The following UNC5C variants were observed in gnomAD, a reference collection of about 807,000 sequenced individuals.
UNC5C encodes the protein unc-5 netrin receptor C.
Under a neutral mutation model 99.8 loss-of-function variants are expected in UNC5C, and 47 were observed. The observed-to-expected ratio is 0.47, with a 90% confidence interval of 0.37 to 0.60. The LOEUF is 0.60. Ranked by LOEUF, UNC5C falls within the 20% of genes least tolerant of loss-of-function variation. UNC5C has a pLI of 0.00. For missense variants in UNC5C, 1,062 were observed against 1,165.9 expected (o/e 0.91, Z 1.30); for synonymous variants, 487 against 452.2 (o/e 1.08, Z -0.98).
At chr4:95,486,356 C>A (rs568383505) in intron 1 of UNC5C, among the ~76,000 whole-genome samples, 1 of 151,644 alleles carries the variant, frequency 6.6e-6, no homozygotes, top group East Asian at 2.0e-4. Flanking sequence ...TATAGGCCTT[C>A]ACCATCCACA....
intron 1 of UNC5C, among the ~76,000 whole-genome samples, chr4:95,477,207 G>A (rs758107484): frequency 2.6e-5 from 4 of 151,982 alleles, no homozygotes; most frequent in Non-Finnish European, 4.4e-5. Context: ...TTGAGGTCCT[G>A]TTTAGCCAAG....
intron 14 of UNC5C, among the ~76,000 whole-genome samples, chr4:95,176,616 C>T (rs1279740893): frequency 1.6e-4 from 24 of 152,128 alleles, no homozygotes; most frequent in South Asian, 4.1e-4. Context: ...TCTCCAGCTG[C>T]GTGCTGGGAG....
chr4:95,458,084 C>A (rs1415789042), intron 1 of UNC5C, among the ~76,000 whole-genome samples: 1 of 152,064 alleles, frequency 6.6e-6, no homozygotes, highest in Non-Finnish European at 1.5e-5. Context: ...TCCTCCGTCA[C>A]TTAAATTTTT....
intron 1 of UNC5C, among the ~76,000 whole-genome samples, chr4:95,501,741 T>C (rs1306770501): frequency 6.6e-6 from 1 of 152,150 alleles, no homozygotes; most frequent in East Asian, 1.9e-4. Context: ...GATTCTTTTG[T>C]CTGTTATAGT....
In UNC5C at chr4:95,244,940, T is replaced by C. The variant is rs559132543; in HGVS notation, c.943+37A>G. 4.3e-6 allele frequency: 7 copies of C among 1,610,122 alleles called. No homozygotes were observed. The East Asian group carries it at 6.7e-5, about 15-fold the overall frequency. On this transcript the variant is annotated intron_variant, in intron 6 of 15. Transcript: ENST00000453304. ...CTCTAAAAGCATGTTTCTTGAATAATAGGAGATACTTGGAATGAGAGGACT... is the reference window on the plus strand; with the variant it reads ...CTCTAAAAGCATGTTTCTTGAATAACAGGAGATACTTGGAATGAGAGGACT...
chr4:95,401,639 A>T (rs553865576), intron 1 of UNC5C, among the ~76,000 whole-genome samples: 1 of 152,296 alleles, frequency 6.6e-6, no homozygotes, highest in East Asian at 1.9e-4. Context: ...AATAATCCTA[A>T]GAACTCAACA....
intron 1 of UNC5C, among the ~76,000 whole-genome samples, chr4:95,486,139 A>C (rs940960202): frequency 1.3e-5 from 2 of 151,804 alleles, no homozygotes; most frequent in African/African-American, 4.8e-5. Context: ...CAAGGTTAAA[A>C]GTCAAATATA....
At chr4:95,474,267 T>A (rs1371393697) in intron 1 of UNC5C, among the ~76,000 whole-genome samples, 2 of 151,808 alleles carry the variant, frequency 1.3e-5, no homozygotes, top group Admixed American at 6.6e-5. Flanking sequence ...CGTGTGTGAG[T>A]TTTATTATAC....
chr4:95,533,351 G>C (rs1252861274), intron 1 of UNC5C, among the ~76,000 whole-genome samples: 1 of 151,758 alleles, frequency 6.6e-6, no homozygotes, highest in East Asian at 1.9e-4. Context: ...AGCCGAGATT[G>C]CACCACTGCA....
At chr4:95,522,725 GA>G (rs1236993858) in intron 1 of UNC5C, among the ~76,000 whole-genome samples, 3 of 152,050 alleles carry the variant, frequency 2.0e-5, no homozygotes, top group Non-Finnish European at 4.4e-5. Flanking sequence ...AATAATTTTT[GA>G]AATCATTACA....
At chr4:95,469,060 C>T (rs1369763782) in intron 1 of UNC5C, among the ~76,000 whole-genome samples, 1 of 152,088 alleles carries the variant, frequency 6.6e-6, no homozygotes, top group Non-Finnish European at 1.5e-5. Flanking sequence ...AGTCATAACC[C>T]TGACTGCATT....
Position 95,183,190 on chromosome 4 carries a change from T to TTAAG in UNC5C, c.2287-133_2287-130dup, listed in dbSNP as rs1736688699. 5.6e-6 allele frequency: 5 copies of TTAAG among 886,640 alleles called. No homozygotes were observed. The Admixed American group carries it at 1.2e-4, about 22-fold the overall frequency. The allele number at this position is 886,640 out of a possible 1,614,324, so 54.9% of individuals were successfully genotyped here. On this transcript the variant is annotated intron_variant, in intron 13 of 15. Coordinates refer to ENST00000453304, the MANE Select transcript of UNC5C (RefSeq NM_003728.4). ...TTTAATCCTCACAACAGCCCTATGT[T>TTAAG]TAAGTACATCCTGGACCCTTATCAC... is the stretch of plus-strand genomic sequence containing the variant.
chr4:95,324,620 G>T (rs1244949530), intron 2 of UNC5C, among the ~76,000 whole-genome samples: 1 of 152,026 alleles, frequency 6.6e-6, no homozygotes, highest in African/African-American at 2.4e-5. Context: ...CCTCAAATTC[G>T]TATGTTGAAA....
At chr4:95,358,602 G>A (rs148911092) in intron 1 of UNC5C, among the ~76,000 whole-genome samples, 2 of 152,226 alleles carry the variant, frequency 1.3e-5, no homozygotes, top group African/African-American at 2.4e-5. Context: ...CCTTCTCCAC[G>A]TGAGTCCTCA....
chr4:95,325,694 C>CT (rs1331693202), intron 2 of UNC5C, among the ~76,000 whole-genome samples: 2 of 152,246 alleles, frequency 1.3e-5, no homozygotes, highest in Admixed American at 6.5e-5. Context: ...TCATCAATTC[C>CT]TTTTTTCCAT....
At chr4:95,208,477 C>G (rs1406360462) in intron 10 of UNC5C, among the ~76,000 whole-genome samples, 2 of 152,146 alleles carry the variant, frequency 1.3e-5, no homozygotes, top group African/African-American at 4.8e-5. Context: ...TTAATAGTTT[C>G]AAGGTAAATT....
chr4:95,220,498 C>T (rs1239415963), intron 7 of UNC5C, among the ~76,000 whole-genome samples: 1 of 152,182 alleles, frequency 6.6e-6, no homozygotes, highest in African/African-American at 2.4e-5. Context: ...TTACTCATTT[C>T]AGGTGGAAAA....
intron 10 of UNC5C, among the ~76,000 whole-genome samples, chr4:95,215,010 TAGAC>T (rs1343525486): frequency 1.3e-5 from 2 of 152,182 alleles, no homozygotes; most frequent in Admixed American, 6.5e-5. Flanking sequence ...ATTATTTTCT[TAGAC>T]AGGCTAGTAT....
intron 2 of UNC5C, among the ~76,000 whole-genome samples, chr4:95,321,527 G>A (rs1329697127): frequency 1.3e-5 from 2 of 152,164 alleles, no homozygotes; most frequent in Non-Finnish European, 1.5e-5. Flanking sequence ...AATTGCAGCT[G>A]AGTTTATGTT....
Sources: gnomAD v4.1 joint callset for allele counts (sites outside exome capture counted in the v4.1 genomes callset) on GRCh38, gnomAD v4.1.1 for gene constraint, MANE v1.5 for transcripts, NCBI Gene and HGNC (gene_info 2026-07-23, HGNC 2026-07-21) for gene names.